Variants in AGBL1 observed in about 807,000 individuals in gnomAD.
The protein encoded by AGBL1 is cytosolic carboxypeptidase 4.
A neutral mutation model predicts 118.9 loss-of-function variants in AGBL1; 130 were observed. The ratio of observed to expected loss-of-function variants is 1.09; its 90% CI spans 0.95 to 1.26. AGBL1 has a LOEUF of 1.26. AGBL1 is among the 50% of genes most tolerant of loss of function. The pLI, the probability that AGBL1 is intolerant of heterozygous loss-of-function variation, is 0.00. For synonymous variants in AGBL1, 555 were observed against 478.9 expected, an observed-to-expected ratio of 1.16 and a Z score of -2.08; for missense variants, 1,584 against 1,298.1, an observed-to-expected ratio of 1.22 and a Z score of -3.38.
At chr15:86,759,207 T>A (rs937262961) in intron 22 of AGBL1, among the ~76,000 whole-genome samples, 16 of 152,072 alleles carry the variant, frequency 1.1e-4, no homozygotes, top group African/African-American at 3.9e-4. Flanking sequence ...TTATGCTTTT[T>A]AAAGACAGTT....
Position 86,859,906 on chromosome 15 carries a change from G to A in AGBL1, c.3159-47181G>A, listed in dbSNP as rs28588672. On this transcript the variant is annotated intron_variant, in intron 22 of 22. Transcript: ENST00000614907. The stretch of plus-strand genomic sequence containing the variant: ...CCTTGGACAACTTAAAGATACTGTC[G>A]AGTTTGCTATCCAAAGTGAGATGAT... Among the ~76,000 whole-genome samples, 1,288 of 152,248 alleles carry A rather than the reference G, an allele frequency of 8.5e-3. 17 individuals are homozygous for A. The highest frequency in any genetic ancestry group is 0.029 in the African/African-American group (1,211 of 41,532).
At chr15:86,344,563 G>A (rs2080507918) in intron 17 of AGBL1, among the ~76,000 whole-genome samples, 2 of 151,814 alleles carry the variant, frequency 1.3e-5, no homozygotes, top group Non-Finnish European at 2.9e-5. Flanking sequence ...AAGAGTGAGG[G>A]CTCTGAGGTT....
intron 24 of AGBL1, among the ~76,000 whole-genome samples, chr15:87,022,518 T>C (rs1265468255): frequency 6.6e-6 from 1 of 152,002 alleles, no homozygotes; most frequent in Admixed American, 6.6e-5. Context: ...ATCTAAAAGT[T>C]TGGAAAATAT....
intron 7 of AGBL1, among the ~76,000 whole-genome samples, chr15:86,252,556 C>T (rs1182219339): frequency 6.6e-6 from 1 of 152,096 alleles, no homozygotes; most frequent in African/African-American, 2.4e-5. Flanking sequence ...TGCAGTGTAG[C>T]CAGCAGGTGG....
At chr15:86,338,323 T>A (rs192022341) in intron 17 of AGBL1, among the ~76,000 whole-genome samples, 1 of 151,604 alleles carries the variant, frequency 6.6e-6, no homozygotes, top group African/African-American at 2.4e-5. Context: ...GGTGGCTGAA[T>A]GGGGAGAACA....
chr15:86,466,239 G>A (rs918524794), intron 18 of AGBL1, among the ~76,000 whole-genome samples: 10 of 152,068 alleles, frequency 6.6e-5, no homozygotes, highest in Admixed American at 5.9e-4. Context: ...ATTTCATTAA[G>A]TTGATCTTCA....
intron 22 of AGBL1, among the ~76,000 whole-genome samples, chr15:86,689,010 T>G (rs1408375567): frequency 6.6e-6 from 1 of 152,180 alleles, no homozygotes; most frequent in Non-Finnish European, 1.5e-5. Flanking sequence ...CATAATACTT[T>G]TGCGAATTAC....
intron 21 of AGBL1, among the ~76,000 whole-genome samples, chr15:86,587,567 A>C (rs2084270272): frequency 6.6e-6 from 1 of 152,206 alleles, no homozygotes; most frequent in Admixed American, 6.5e-5. Context: ...GAGCAGTATA[A>C]GCAAAGGCAT....
At chr15:86,085,633 C>A (rs1478384427) in intron 1 of AGBL1, among the ~76,000 whole-genome samples, 2 of 152,124 alleles carry the variant, frequency 1.3e-5, no homozygotes, top group African/African-American at 4.8e-5. Flanking sequence ...AACTCTTAGT[C>A]CCAGCCTTCA....
At chr15:86,463,685 A>G (rs8041518) in intron 18 of AGBL1, among the ~76,000 whole-genome samples, 1 of 151,986 alleles carries the variant, frequency 6.6e-6, no homozygotes, top group East Asian at 1.9e-4. Flanking sequence ...AACACCATTT[A>G]TTAAATAGGG....
intron 9 of AGBL1, among the ~76,000 whole-genome samples, chr15:86,258,810 A>T (rs2078938015): frequency 6.6e-6 from 1 of 152,016 alleles, no homozygotes; most frequent in Non-Finnish European, 1.5e-5. Flanking sequence ...GGATCCAAGC[A>T]ATTTACCAAC....
chr15:86,332,788 G>A (rs1000538631), intron 17 of AGBL1, among the ~76,000 whole-genome samples: 4 of 151,660 alleles, frequency 2.6e-5, no homozygotes, highest in Admixed American at 6.6e-5. Context: ...CTCCAAGATC[G>A]ACCACATGCT....
At chr15:86,232,815 C>T (rs779512762) in intron 6 of AGBL1, among the ~76,000 whole-genome samples, 6 of 152,324 alleles carry the variant, frequency 3.9e-5, no homozygotes, top group African/African-American at 9.6e-5. Flanking sequence ...CCTGCCTCCC[C>T]GCCCTGCATG....
rs911201058 is a variant in AGBL1, at chr15:86,909,500, AT to A, written c.*2213del. 1.1e-4 allele frequency: 16 copies of A among 152,170 alleles called. No individual in the cohort carries two copies. Among genetic ancestry groups the A allele is most frequent in the African/African-American group, 3.9e-4 (16 of 41,434 alleles). 9.4% of individuals were successfully genotyped at this position (152,170 alleles called of 1,614,324 possible). On this transcript the variant is annotated 3_prime_UTR_variant, in exon 23 of 23. Coordinates refer to ENST00000614907, the MANE Select transcript of AGBL1 (RefSeq NM_001386094.1). ...TTGATAACATTATTAATAGTCTCTT[AT>A]TTTTTTAACTCTTTTCCAAGTTTCC...
chr15:86,637,839 T>G (rs2085122628), intron 21 of AGBL1, among the ~76,000 whole-genome samples: 1 of 152,240 alleles, frequency 6.6e-6, no homozygotes, highest in Non-Finnish European at 1.5e-5. Flanking sequence ...CTGTAAGTTC[T>G]TTGAGGCAGT....
intron 5 of AGBL1, among the ~76,000 whole-genome samples, chr15:86,200,562 C>CCCCCT (rs1491108580): frequency 1.1e-5 from 1 of 95,146 alleles, no homozygotes. Context: ...CCCCCCCCCC[C>CCCCCT]TTTTTTTTTT....
intron 1 of AGBL1, among the ~76,000 whole-genome samples, chr15:86,122,411 T>G (rs931712674): frequency 1.3e-5 from 2 of 152,164 alleles, no homozygotes; most frequent in Admixed American, 6.5e-5. Context: ...CTCCTTCTTC[T>G]CAAGTGTGGG....
chr15:86,159,443 T>G (rs180943969), intron 5 of AGBL1, among the ~76,000 whole-genome samples: 1 of 152,258 alleles, frequency 6.6e-6, no homozygotes, highest in Admixed American at 6.5e-5. Context: ...CAAAAGACAT[T>G]TCATAAATGA....
chr15:86,460,318 CAAAAAAA>C (rs1168019827), intron 18 of AGBL1, among the ~76,000 whole-genome samples: 3 of 36,598 alleles, frequency 8.2e-5, no homozygotes, highest in South Asian at 2.4e-3. Context: ...CCTATCTCTA[CAAAAAAA>C]AAAAAAAAAA....
Sources: allele counts gnomAD v4.1 joint callset (sites outside exome capture counted in the v4.1 genomes callset), GRCh38; gene constraint gnomAD v4.1.1; transcripts MANE v1.5; gene names NCBI Gene and HGNC (gene_info 2026-07-23, HGNC 2026-07-21).